The following DNM3 variants were observed in gnomAD, a reference collection of about 807,000 sequenced individuals.
DNM3 encodes the protein dynamin-3.
In DNM3, 47 loss-of-function variants were observed where a neutral mutation model predicts 101.6. The observed-to-expected ratio is 0.46, with a 90% confidence interval of 0.37 to 0.59. The LOEUF (loss-of-function observed/expected upper bound fraction) is 0.59. Ranked by LOEUF, DNM3 falls within the 20% of genes least tolerant of loss-of-function variation. DNM3 has a pLI of 0.00. For missense variants in DNM3, 849 were observed against 1,085.7 expected, an observed-to-expected ratio of 0.78 and a Z score of 3.06; for synonymous variants, 385 against 387.9, an observed-to-expected ratio of 0.99 and a Z score of 0.09.
intron 4 of DNM3, among the ~76,000 whole-genome samples, chr1:172,001,871 A>G (rs1021873476): frequency 6.6e-6 from 1 of 151,998 alleles, no homozygotes; most frequent in Non-Finnish European, 1.5e-5. Context: ...TTAAAAATCC[A>G]TGGGTGATGT....
At chr1:172,040,725 T>C (rs1375691129) in intron 7 of DNM3, among the ~76,000 whole-genome samples, 1 of 152,098 alleles carries the variant, frequency 6.6e-6, no homozygotes, top group African/African-American at 2.4e-5. Flanking sequence ...TGGTGCCGGA[T>C]AGAGTCATGG....
chr1:172,170,895 A>G (rs1572817445), intron 14 of DNM3, among the ~76,000 whole-genome samples: 1 of 151,786 alleles, frequency 6.6e-6, no homozygotes, highest in Non-Finnish European at 1.5e-5. Context: ...CTCTGTCTTC[A>G]TTTTATACTA....
At chr1:172,245,245 A>G (rs1160903213) in intron 14 of DNM3, among the ~76,000 whole-genome samples, 3 of 152,216 alleles carry the variant, frequency 2.0e-5, no homozygotes, top group African/African-American at 7.2e-5. Flanking sequence ...AACAACGATA[A>G]TAAATAAAGG....
chr1:171,986,133 C>T (rs181081760), intron 2 of DNM3, among the ~76,000 whole-genome samples: 293 of 152,248 alleles, frequency 1.9e-3, no homozygotes, highest in African/African-American at 6.9e-3. Context: ...TGAAGGTTCT[C>T]TGATTCTCTG....
At chr1:171,985,634 G>C (rs920042997) in intron 2 of DNM3, among the ~76,000 whole-genome samples, 1 of 152,202 alleles carries the variant, frequency 6.6e-6, no homozygotes, top group Non-Finnish European at 1.5e-5. Context: ...AACTAAGATA[G>C]AAAGAGAAAT....
chr1:172,227,730 T>C (rs1328050723), intron 14 of DNM3, among the ~76,000 whole-genome samples: 1 of 152,168 alleles, frequency 6.6e-6, no homozygotes, highest in Non-Finnish European at 1.5e-5. Flanking sequence ...ATATCTTCTT[T>C]TGAGAAATGA....
chr1:172,075,487 G>A (rs2052577170), intron 11 of DNM3, among the ~76,000 whole-genome samples: 1 of 152,142 alleles, frequency 6.6e-6, no homozygotes, highest in South Asian at 2.1e-4. Flanking sequence ...GTCAATTTTT[G>A]TATAAGGTGT....
At chr1:171,874,192 T>C (rs1408430252) in intron 1 of DNM3, among the ~76,000 whole-genome samples, 1 of 152,178 alleles carries the variant, frequency 6.6e-6, no homozygotes, top group Non-Finnish European at 1.5e-5. Context: ...ACACATAAAT[T>C]TCTCAGATAT....
At position 172,107,399 on chromosome 1, in the gene DNM3, A is replaced by G. The variant is rs1185804998; in HGVS notation, c.1545+14524A>G. Among the ~76,000 whole-genome samples the G allele has an allele frequency of 2.0e-5, 3 of 151,930 alleles. No homozygotes were observed. In the East Asian group the frequency reaches 5.8e-4, roughly 29 times the overall value. ...TATAGTTACTAAGTGGAATGTGGAAAAAAAAAAAGTAAAAGGGCTTTCAGC... is the reference window on the plus strand; with the variant it reads ...TATAGTTACTAAGTGGAATGTGGAAGAAAAAAAAGTAAAAGGGCTTTCAGC... On this transcript the variant is annotated intron_variant, in intron 13 of 20. Coordinates refer to ENST00000627582, the MANE Select transcript of DNM3 (RefSeq NM_015569.5).
chr1:172,383,279 CT>C (rs1177940532), intron 18 of DNM3, among the ~76,000 whole-genome samples: 5 of 152,102 alleles, frequency 3.3e-5, no homozygotes, highest in African/African-American at 1.2e-4. Flanking sequence ...TACTATACGC[CT>C]TTTGTGTCTA....
At chr1:172,063,370 GTT>G (rs35108021) in intron 10 of DNM3, among the ~76,000 whole-genome samples, 2 of 145,240 alleles carry the variant, frequency 1.4e-5, no homozygotes, top group African/African-American at 5.0e-5. Context: ...TCTCCCAAGT[GTT>G]TTTTTTTTTC....
intron 1 of DNM3, among the ~76,000 whole-genome samples, chr1:171,857,186 G>A (rs1558171660): frequency 6.6e-6 from 1 of 152,302 alleles, no homozygotes; most frequent in East Asian, 1.9e-4. Context: ...TGTGCCTGGA[G>A]TCAGGCTTTA....
chr1:172,011,126 G>A (rs1045964942), intron 4 of DNM3, among the ~76,000 whole-genome samples: 3 of 151,650 alleles, frequency 2.0e-5, no homozygotes, highest in African/African-American at 7.3e-5. Flanking sequence ...TAAAGAATAG[G>A]TCCATGGTAG....
intron 7 of DNM3, 105 bp from the exon 8 acceptor site, chr1:172,041,904 A>G (rs902049405): frequency 7.6e-7 from 1 of 1,311,018 alleles, no homozygotes; most frequent in Non-Finnish European, 1.0e-6. Context: ...GGTGCCACTA[A>G]GAGCACCTGG....
At chr1:171,937,776 G>C (rs1313734597) in intron 2 of DNM3, among the ~76,000 whole-genome samples, 1 of 151,998 alleles carries the variant, frequency 6.6e-6, no homozygotes, top group African/African-American at 2.4e-5. Context: ...TCAGCATGTT[G>C]CCCAGGCTGC....
At chr1:171,994,333 T>G (rs762491369) in intron 4 of DNM3, among the ~76,000 whole-genome samples, 151 of 152,334 alleles carry the variant, frequency 9.9e-4, no homozygotes, top group Middle Eastern at 3.4e-3. Context: ...CTATATTCTT[T>G]GTCGTGTGTG....
intron 13 of DNM3, among the ~76,000 whole-genome samples, chr1:172,110,762 G>A (rs947623900): frequency 2.0e-4 from 30 of 152,340 alleles, no homozygotes; most frequent in Admixed American, 1.4e-3. Context: ...TAGGTTGGGT[G>A]CAGTTGCTCA....
At chr1:171,982,288 G>A (rs544076746) in intron 2 of DNM3, among the ~76,000 whole-genome samples, 2 of 152,164 alleles carry the variant, frequency 1.3e-5, no homozygotes, top group South Asian at 2.1e-4. Flanking sequence ...AGTACAACTC[G>A]TTCTATAGAG....
chr1:171,909,979 T>C (rs1182132557), intron 1 of DNM3, among the ~76,000 whole-genome samples: 1 of 152,204 alleles, frequency 6.6e-6, no homozygotes, highest in Non-Finnish European at 1.5e-5. Flanking sequence ...TTTTATTCTG[T>C]ATTTGAATTG....
Sources: gnomAD v4.1 joint callset for allele counts (sites outside exome capture counted in the v4.1 genomes callset) on GRCh38, gnomAD v4.1.1 for gene constraint, MANE v1.5 for transcripts, NCBI Gene and HGNC (gene_info 2026-07-23, HGNC 2026-07-21) for gene names.